ZFYVE28: variants seen among roughly 807,000 people sequenced by gnomAD.
ZFYVE28 encodes zinc finger FYVE-type containing 28.
A neutral mutation model predicts 82.1 loss-of-function variants in ZFYVE28; 40 were observed. The ratio of observed to expected loss-of-function variants is 0.49; its 90% CI spans 0.38 to 0.63. ZFYVE28 has a LOEUF of 0.63. Among genes scored for constraint, ZFYVE28 ranks in the 30% least tolerant of loss-of-function variants. The pLI is 0.00. For synonymous variants in ZFYVE28, 612 were observed against 546.1 expected (o/e 1.12, Z -1.68); for missense variants, 1,321 against 1,242.1 (o/e 1.06, Z -0.96).
chr4:2,406,204 T>G (rs1731895884), intron 1 of ZFYVE28, among the ~76,000 whole-genome samples: 1 of 151,782 alleles, frequency 6.6e-6, no homozygotes, highest in African/African-American at 2.4e-5. Flanking sequence ...AAACCCCATC[T>G]CTGTCAAAAA....
At position 2,362,911 on chromosome 4, in the gene ZFYVE28, C is replaced by A. The variant is rs1726357614; in HGVS notation, c.40-8838G>T. 1.3e-5 allele frequency among the ~76,000 whole-genome samples: 2 copies of A among 152,112 alleles called. No homozygotes were observed. The highest frequency in any genetic ancestry group is 2.9e-5 in the Non-Finnish European group (2 of 67,994). The stretch of plus-strand genomic sequence containing the variant: ...TTGGCCTCCTGCGGACCCCACCCAC[C>A]CCTGCTCTCTCTCAGGACTCGGTAC... On this transcript the variant is annotated intron_variant, in intron 1 of 12. Transcript: ENST00000290974. The surrounding 1 kb of genome is among the most constrained non-coding windows in gnomAD (Gnocchi z 5.1).
intron 1 of ZFYVE28, among the ~76,000 whole-genome samples, chr4:2,396,830 C>T (rs908674956): frequency 1.3e-5 from 2 of 152,276 alleles, no homozygotes; most frequent in Admixed American, 6.5e-5. Context: ...AAATGGAGGG[C>T]GGACAGCTGG....
intron 8 of ZFYVE28, among the ~76,000 whole-genome samples, chr4:2,274,423 A>G (rs1036384661): frequency 1.3e-5 from 2 of 152,172 alleles, no homozygotes; most frequent in African/African-American, 4.8e-5. Context: ...CAGGTGGTAC[A>G]ACAGGGCTCT....
rs4974669 is a variant in ZFYVE28 at position 2,285,123 on chromosome 4, C to A, written c.2052-10907G>T. Among the ~76,000 whole-genome samples the A allele has an allele frequency of 9.9e-5, 15 of 152,184 alleles. No homozygotes were observed. The East Asian group carries it at 1.2e-3, about 12-fold the overall frequency. ...GGAAAATTTGGGTGCAGGCCCACAC[C>A]TGGGCAGAACCCCACGTGGACTGAA... On this transcript the variant is annotated intron_variant, in intron 8 of 12. Transcript: ENST00000290974.
intron 1 of ZFYVE28, among the ~76,000 whole-genome samples, chr4:2,360,351 T>C (rs1458568142): frequency 1.4e-5 from 2 of 147,794 alleles, no homozygotes; most frequent in African/African-American, 5.0e-5. Context: ...AAACCAGACC[T>C]ACAAAGGTGT....
chr4:2,296,690 G>C (rs996335594), intron 8 of ZFYVE28, among the ~76,000 whole-genome samples: 1 of 152,122 alleles, frequency 6.6e-6, no homozygotes, highest in South Asian at 2.1e-4. Flanking sequence ...AATGGCAGCC[G>C]TGTGAGCCTC....
intron 1 of ZFYVE28, among the ~76,000 whole-genome samples, chr4:2,415,580 G>A (rs1415127816): frequency 6.6e-6 from 1 of 152,064 alleles, no homozygotes; most frequent in Non-Finnish European, 1.5e-5. Flanking sequence ...AATACAAAGT[G>A]GGAAAAAAAT....
At chr4:2,330,523 T>C (rs1359469628) in intron 6 of ZFYVE28, 66 of 1,118,478 alleles carry the variant, frequency 5.9e-5, no homozygotes, top group Non-Finnish European at 7.1e-5. Context: ...GGAGAGGACA[T>C]TGCAGAGGAA....
intron 1 of ZFYVE28, among the ~76,000 whole-genome samples, chr4:2,381,456 G>A (rs757768398): frequency 2.6e-5 from 4 of 152,152 alleles, no homozygotes; most frequent in African/African-American, 2.4e-5. Flanking sequence ...ACCCAGGCTG[G>A]AGTGCAATGG....
At chr4:2,276,342 C>T (rs1577860403) in intron 8 of ZFYVE28, among the ~76,000 whole-genome samples, 2 of 152,340 alleles carry the variant, frequency 1.3e-5, no homozygotes, top group East Asian at 3.9e-4. Context: ...GTCAGGGTTC[C>T]ACAGATGAAG....
intron 1 of ZFYVE28, among the ~76,000 whole-genome samples, chr4:2,415,374 C>T (rs1204577642): frequency 2.0e-5 from 3 of 151,686 alleles, no homozygotes; most frequent in Non-Finnish European, 2.9e-5. Context: ...CCCAGTGCTT[C>T]GGGAGGCTGA....
intron 10 of ZFYVE28, among the ~76,000 whole-genome samples, chr4:2,272,577 C>T (rs1438708757): frequency 3.9e-5 from 6 of 152,184 alleles, no homozygotes; most frequent in Non-Finnish European, 1.5e-5. Context: ...TGTATGTGCA[C>T]GTGTCTCTGT....
intron 1 of ZFYVE28, among the ~76,000 whole-genome samples, chr4:2,412,328 C>T (rs1461365849): frequency 6.6e-6 from 1 of 152,160 alleles, no homozygotes; most frequent in African/African-American, 2.4e-5. Flanking sequence ...TGGAAGTCCC[C>T]GCCTGCTTAC....
chr4:2,301,617 G>A (rs1715534742), intron 8 of ZFYVE28, among the ~76,000 whole-genome samples: 1 of 151,664 alleles, frequency 6.6e-6, no homozygotes, highest in African/African-American at 2.4e-5. Context: ...GGTGGGAGGA[G>A]CTTCTGGAGG....
intron 1 of ZFYVE28, 61 bp from the exon 2 acceptor site, chr4:2,354,134 G>T: frequency 1.4e-6 from 2 of 1,408,694 alleles, no homozygotes; most frequent in South Asian, 1.6e-5. Context: ...TGCCTCGGTT[G>T]GTTGCCTTGT....
At chr4:2,279,523 T>G (rs546748020) in intron 8 of ZFYVE28, among the ~76,000 whole-genome samples, 35 of 152,272 alleles carry the variant, frequency 2.3e-4, no homozygotes, top group African/African-American at 8.4e-4. Flanking sequence ...CTCACACCTG[T>G]AATCCCAGCA....
At chr4:2,326,987 C>A (rs1381867407) in intron 6 of ZFYVE28, among the ~76,000 whole-genome samples, 1 of 151,892 alleles carries the variant, frequency 6.6e-6, no homozygotes, top group East Asian at 1.9e-4. Context: ...TGCAGTGACT[C>A]ACGCCTATAA....
At chr4:2,357,044 C>T (rs574605317) in intron 1 of ZFYVE28, among the ~76,000 whole-genome samples, 4 of 152,226 alleles carry the variant, frequency 2.6e-5, no homozygotes, top group African/African-American at 9.6e-5. Context: ...AGGTGTAATC[C>T]CACCACCACA....
chr4:2,332,929 C>T lies in ZFYVE28; in HGVS notation c.701+2776G>A, dbSNP rs117470434. 1.7e-3 allele frequency among the ~76,000 whole-genome samples: 255 copies of T among 152,202 alleles called. 8 individuals are homozygous for T. The East Asian group carries it at 0.043, about 26-fold the overall frequency. On this transcript the variant is annotated intron_variant, in intron 6 of 12. Transcript: ENST00000290974. The surrounding 1 kb of genome is among the most constrained non-coding windows in gnomAD (Gnocchi z 4.7). ...CTAGATGCCTGCCTCTGTGGGGGCT[C>T]ACAGCTGGCCACCCCCCTGGACAGG...
Sources: allele counts gnomAD v4.1 joint callset (sites outside exome capture counted in the v4.1 genomes callset), GRCh38; gene constraint gnomAD v4.1.1; non-coding constraint Gnocchi (gnomAD v3.1); transcripts MANE v1.5; gene names NCBI Gene and HGNC (gene_info 2026-07-23, HGNC 2026-07-21).